Variants in LSAMP observed in about 807,000 individuals in gnomAD.
LSAMP encodes the protein limbic system-associated membrane protein.
In LSAMP, 7 loss-of-function variants were observed where a neutral mutation model predicts 38.6. That is an observed-to-expected ratio of 0.18 (90% CI 0.10 to 0.34). LSAMP has a LOEUF of 0.34. Ranked by LOEUF, LSAMP falls within the 10% of genes least tolerant of loss-of-function variation. LSAMP has a pLI of 1.00. For synonymous variants in LSAMP, 154 were observed against 166.8 expected (o/e 0.92, Z 0.59); for missense variants, 313 against 420.0 (o/e 0.75, Z 2.23).
chr3:116,086,210 A>C, intron 2 of LSAMP, 114 bp downstream of exon 2: 1 of 887,090 alleles, frequency 1.1e-6, no homozygotes, highest in South Asian at 1.6e-5. Flanking sequence ...CTTAAGTCCA[A>C]TAATATCTTT....
chr3:115,917,525 G>C (rs573120753), intron 3 of LSAMP, among the ~76,000 whole-genome samples: 1 of 151,930 alleles, frequency 6.6e-6, no homozygotes, highest in Non-Finnish European at 1.5e-5. Context: ...CTCAGAAACT[G>C]CATAACTCAT....
In LSAMP at chr3:115,949,396, TG is replaced by T. The variant is rs1357797341; in HGVS notation, c.514+70118del. ...GTTTATCTCTTAAAAATAGTTTTTT[TG>T]TTTTATTTATTTATTTAGATTTATA... On this transcript the variant is annotated intron_variant, in intron 3 of 6. Coordinates refer to ENST00000490035, the MANE Select transcript of LSAMP (RefSeq NM_002338.5). 8.8e-5 allele frequency among the ~76,000 whole-genome samples: 13 copies of T among 147,484 alleles called. No homozygotes were observed. In the East Asian group the frequency reaches 2.4e-3, roughly 27 times the overall value.
At chr3:115,954,716 C>A (rs1221765964) in intron 3 of LSAMP, among the ~76,000 whole-genome samples, 2 of 152,154 alleles carry the variant, frequency 1.3e-5, no homozygotes, top group Non-Finnish European at 2.9e-5. Context: ...TAGAGCCCAG[C>A]ATTTATTAGA....
intron 1 of LSAMP, among the ~76,000 whole-genome samples, chr3:116,430,985 T>C (rs969334397): frequency 2.6e-5 from 4 of 152,054 alleles, no homozygotes; most frequent in African/African-American, 9.7e-5. Flanking sequence ...TACACATAAA[T>C]AACTTTTTTT....
At chr3:116,137,411 C>G (rs1166777555) in intron 1 of LSAMP, among the ~76,000 whole-genome samples, 1 of 152,044 alleles carries the variant, frequency 6.6e-6, no homozygotes, top group African/African-American at 2.4e-5. Context: ...TTTATTTTAA[C>G]AAGTAATAAA....
chr3:116,002,340 A>AT (rs1559915444), intron 3 of LSAMP, among the ~76,000 whole-genome samples: 2 of 152,228 alleles, frequency 1.3e-5, no homozygotes, highest in African/African-American at 4.8e-5. Flanking sequence ...GGAAAAAAAA[A>AT]GATGAAGAAT....
chr3:116,354,075 G>A (rs541930494), intron 1 of LSAMP, among the ~76,000 whole-genome samples: 2 of 152,184 alleles, frequency 1.3e-5, no homozygotes, highest in South Asian at 4.1e-4. Flanking sequence ...CTTGAAGCTG[G>A]AGTCACTTAA....
At chr3:116,368,992 T>C (rs531050277) in intron 1 of LSAMP, among the ~76,000 whole-genome samples, 1 of 152,308 alleles carries the variant, frequency 6.6e-6, no homozygotes, top group East Asian at 1.9e-4. Context: ...TGAGGTAATT[T>C]GTATTATTTG....
chr3:116,112,452 A>C (rs1708637209), intron 1 of LSAMP, among the ~76,000 whole-genome samples: 1 of 152,226 alleles, frequency 6.6e-6, no homozygotes, highest in South Asian at 2.1e-4. Context: ...GCGAATGACT[A>C]TGATAATAAA....
At chr3:116,270,314 C>A (rs562279812) in intron 1 of LSAMP, among the ~76,000 whole-genome samples, 1 of 152,076 alleles carries the variant, frequency 6.6e-6, no homozygotes, top group Non-Finnish European at 1.5e-5. Flanking sequence ...CCAGTTAACA[C>A]TCCATTTATC....
intron 2 of LSAMP, among the ~76,000 whole-genome samples, chr3:116,030,094 T>C (rs889850963): frequency 1.3e-5 from 2 of 152,280 alleles, no homozygotes; most frequent in East Asian, 3.9e-4. Context: ...TGGTGACACA[T>C]GTGTAGCGTG....
intron 4 of LSAMP, among the ~76,000 whole-genome samples, chr3:115,847,327 G>A (rs973774518): frequency 2.0e-5 from 3 of 152,144 alleles, no homozygotes; most frequent in Non-Finnish European, 4.4e-5. Context: ...GAAACACATT[G>A]TCTGTATAGA....
At position 116,107,632 on chromosome 3, in the gene LSAMP, A is replaced by G. The variant is rs531671163; in HGVS notation, c.156-21076T>C. Among the ~76,000 whole-genome samples the G allele has an allele frequency of 2.6e-5, 4 of 152,296 alleles. No individual in the cohort carries two copies. In the East Asian group the frequency reaches 7.7e-4, roughly 29 times the overall value. On this transcript the variant is annotated intron_variant, in intron 1 of 6. Transcript: ENST00000490035. Reference sequence around the variant, plus strand: ...AGAATTATGCCGAGATATGTAACAGATGAGAATGAAATTTGGGCTTGACTG... The same window carrying G: ...AGAATTATGCCGAGATATGTAACAGGTGAGAATGAAATTTGGGCTTGACTG...
At chr3:115,935,596 C>T (rs4240162) in intron 3 of LSAMP, among the ~76,000 whole-genome samples, 51,917 of 151,974 alleles carry the variant, frequency 0.34, 9,787 homozygotes, top group South Asian at 0.61. Flanking sequence ...TCTTATCTTA[C>T]GAGAGTTGAT....
chr3:116,115,548 T>A (rs774937113), intron 1 of LSAMP, among the ~76,000 whole-genome samples: 2 of 152,334 alleles, frequency 1.3e-5, no homozygotes, highest in African/African-American at 2.4e-5. Context: ...TCCATTTCTT[T>A]TTCTTTTTCT....
intron 3 of LSAMP, among the ~76,000 whole-genome samples, chr3:115,860,029 C>T (rs1935628914): frequency 6.6e-6 from 1 of 152,226 alleles, no homozygotes; most frequent in Admixed American, 6.5e-5. Flanking sequence ...TAAGGCTTTA[C>T]CACTGTAAAA....
chr3:116,164,689 AATAT>A (rs1296477491), intron 1 of LSAMP, among the ~76,000 whole-genome samples: 1 of 84,366 alleles, frequency 1.2e-5, no homozygotes, highest in Non-Finnish European at 2.6e-5. Context: ...ATATAATCCA[AATAT>A]ATATATATAT....
At chr3:116,379,656 T>C (rs1353268952) in intron 1 of LSAMP, among the ~76,000 whole-genome samples, 1 of 151,974 alleles carries the variant, frequency 6.6e-6, no homozygotes, top group East Asian at 1.9e-4. Context: ...TTAAGAATCC[T>C]TTATAGGAAG....
At chr3:116,333,141 T>C (rs1282867809) in intron 1 of LSAMP, among the ~76,000 whole-genome samples, 3 of 152,094 alleles carry the variant, frequency 2.0e-5, no homozygotes, top group African/African-American at 7.2e-5. Context: ...CTACCAGACA[T>C]ATTCAGAATA....
Sources: gnomAD v4.1 joint callset for allele counts (sites outside exome capture counted in the v4.1 genomes callset) on GRCh38, gnomAD v4.1.1 for gene constraint, MANE v1.5 for transcripts, NCBI Gene and HGNC (gene_info 2026-07-23, HGNC 2026-07-21) for gene names.